The following COL5A1 variants were observed in gnomAD, a reference collection of about 807,000 sequenced individuals.
The protein encoded by COL5A1 is collagen type V alpha 1 chain.
COL5A1 carries 16 observed loss-of-function variants against 263.7 expected under a neutral mutation model. The observed-to-expected ratio is 0.06, with a 90% CI of 0.04 to 0.09. The LOEUF is 0.09. Ranked by LOEUF, COL5A1 falls within the 10% of genes least tolerant of loss-of-function variation. The probability of loss-of-function intolerance (pLI) is 1.00; values close to 1 mark genes in which losing one functional copy is unlikely to be tolerated. For synonymous variants in COL5A1, 1,012 were observed against 1,004.5 expected (o/e 1.01, Z -0.14); for missense variants, 2,036 against 2,540.5 (o/e 0.80, Z 4.27).
At position 134,824,855 on chromosome 9, in the gene COL5A1, G is replaced by A; in HGVS notation, c.4954G>A (p.Gly1652Ser). 3 of 1,611,296 alleles carry A rather than the reference G, an allele frequency of 1.9e-6. No homozygotes were observed. The highest frequency in any genetic ancestry group is 1.3e-5 in the African/African-American group (1 of 75,046). ...LQLCHPDFPD[G>S]EYWVDPNQGC... is the part of the protein sequence containing the mutation. ...GCTCTGCCACCCCGACTTCCCAGAT[G>A]GTGAGGGCCTGGGGGGGCAGGGGTG... The change falls in exon 62 of 66, where the codon GGT becomes AGT. Residue 1652 changes from glycine to serine, a missense_variant and splice_region_variant. This residue lies in a region of COL5A1 where 358 missense variants were observed against 384.6 expected (regional missense o/e 0.93). Transcript: ENST00000371817.
chr9:134,731,742 C>T (rs1834890259), intron 8 of COL5A1, 79 bp downstream of exon 8: 1 of 1,493,694 alleles, frequency 6.7e-7, no homozygotes, highest in Admixed American at 1.9e-5. Flanking sequence ...CCAAGAGCCT[C>T]CTCAGGGGTG....
Position 134,818,117 on chromosome 9 carries a change from C to T in COL5A1, c.4230+286C>T, listed in dbSNP as rs1052856730. On this transcript the variant is annotated intron_variant, in intron 54 of 65. Transcript: ENST00000371817. The surrounding 1 kb of genome is among the most constrained non-coding windows in gnomAD (Gnocchi z 6.0). ...CCCAAGGCTGAGTAGTTATGTCCCCCGGAGCCCTGCGACCTCATGCCTGGT... is the reference window on the plus strand; with the variant it reads ...CCCAAGGCTGAGTAGTTATGTCCCCTGGAGCCCTGCGACCTCATGCCTGGT... Among the ~76,000 whole-genome samples, 4 of 152,216 alleles carry T rather than the reference C, an allele frequency of 2.6e-5. No individual in the cohort carries two copies. Among genetic ancestry groups the T allele is most frequent in the Admixed American group, 6.5e-5 (1 of 15,290 alleles).
In COL5A1 at chr9:134,806,169, G is replaced by A. The variant is rs1224927276; in HGVS notation, c.3259-20G>A. On this transcript the variant is annotated intron_variant, in intron 41 of 65. Transcript: ENST00000371817. Reference sequence around the variant, plus strand: ...AGTCTGAGAGCCTTTGAAGCAGACTGTTTTCTTGCTCCACCTCAGGGATCT... The same window carrying A: ...AGTCTGAGAGCCTTTGAAGCAGACTATTTTCTTGCTCCACCTCAGGGATCT... 6.5e-7 allele frequency: 1 copy of A among 1,533,286 alleles called. No individual in the cohort carries two copies. Among genetic ancestry groups the A allele is most frequent in the Non-Finnish European group, 8.8e-7 (1 of 1,130,836 alleles). The allele number at this position is 1,533,286 out of a possible 1,614,324, so 95.0% of individuals were successfully genotyped here.
In COL5A1 at chr9:134,822,983, C is replaced by T. The variant is rs769679819; in HGVS notation, c.4609-15C>T. The T allele has an allele frequency of 2.5e-6, 4 of 1,614,058 alleles. No homozygotes were observed. The highest frequency in any genetic ancestry group is 2.5e-6 in the Non-Finnish European group (3 of 1,179,990). ...AGACCCGGCTTGCTGACGTTCTGCC[C>T]TCCTCTCTCTGCAGGGTCCGCCTGG... On this transcript the variant is annotated splice_polypyrimidine_tract_variant and intron_variant, in intron 59 of 65. Coordinates refer to ENST00000371817, the MANE Select transcript of COL5A1 (RefSeq NM_000093.5).
chr9:134,642,120 C>T lies in COL5A1; in HGVS notation c.-68C>T, dbSNP rs1831307715. ...GCTGAGTGCGCTGCCCGGGCCGTGA[C>T]CCGCGCCCCTGTGCGTCCCCGCGCG... On this transcript the variant is annotated 5_prime_UTR_variant, in exon 1 of 66. Coordinates refer to ENST00000371817, the MANE Select transcript of COL5A1 (RefSeq NM_000093.5). This position sits in a 1 kb window ranked among gnomAD's most constrained non-coding sequence, Gnocchi z 4.5. 1 of 1,219,190 alleles carries T rather than the reference C, an allele frequency of 8.2e-7. No homozygotes were observed. The highest frequency in any genetic ancestry group is 1.0e-6 in the Non-Finnish European group (1 of 977,646). 75.5% of individuals were successfully genotyped at this position (1,219,190 alleles called of 1,614,324 possible). A position where few individuals can be genotyped will look rare whatever the true frequency, so the allele number is the denominator to read the frequency against.
chr9:134,770,449 C>A lies in COL5A1; in HGVS notation c.2286+1986C>A, dbSNP rs76482228. Among the ~76,000 whole-genome samples the A allele has an allele frequency of 3.2e-3, 480 of 152,242 alleles. 6 individuals carry two copies. The East Asian group carries it at 0.041, about 13-fold the overall frequency. On this transcript the variant is annotated intron_variant, in intron 25 of 65. Coordinates refer to ENST00000371817, the MANE Select transcript of COL5A1 (RefSeq NM_000093.5). ...GGGGAAATGGTTAAGTGAATTATGG[C>A]TCAGTGGAATATTACAGAGCCAGTA...
intron 1 of COL5A1, among the ~76,000 whole-genome samples, chr9:134,669,188 T>TTTTCCTTTCCCTTTCCC (rs1832451509): frequency 1.4e-5 from 2 of 143,826 alleles, no homozygotes; most frequent in Non-Finnish European, 3.0e-5. Flanking sequence ...TCCCTTTCAC[T>TTTTCCTTTCCCTTTCCC]TTTCCTTTCC....
intron 42 of COL5A1, 181 bp from the exon 43 acceptor site, chr9:134,809,002 C>T: frequency 1.5e-6 from 1 of 664,636 alleles, no homozygotes; most frequent in Non-Finnish European, 2.7e-6. Flanking sequence ...GTTCATGGTC[C>T]AGGGGCGGGC....
At position 134,728,952 on chromosome 9, in the gene COL5A1, G is replaced by T. The variant is rs1247358864; in HGVS notation, c.924+145G>T. 5.7e-6 allele frequency: 6 copies of T among 1,053,636 alleles called. No homozygotes were observed. In the African/African-American group the frequency reaches 6.3e-5, roughly 11 times the overall value. The allele number at this position is 1,053,636 out of a possible 1,614,324, so 65.3% of individuals were successfully genotyped here. A position where few individuals can be genotyped will look rare whatever the true frequency, so the allele number is the denominator to read the frequency against. The stretch of plus-strand genomic sequence containing the variant: ...CGGGGGCAGCTCAGTGAGGGAGCCG[G>T]CTGTTGCCATCCGAGCTTTGCTGTC... On this transcript the variant is annotated intron_variant, in intron 6 of 65. Coordinates refer to ENST00000371817, the MANE Select transcript of COL5A1 (RefSeq NM_000093.5).
At chr9:134,817,110 T>C (rs1838784183) in intron 53 of COL5A1, 31 bp downstream of exon 53, 1 of 1,602,564 alleles carries the variant, frequency 6.2e-7, no homozygotes, top group Non-Finnish European at 8.5e-7. Flanking sequence ...ATCCTTGCTG[T>C]CAAATCCCTG....
At chr9:134,643,085 G>A (rs1367922655) in intron 1 of COL5A1, among the ~76,000 whole-genome samples, 1 of 152,236 alleles carries the variant, frequency 6.6e-6, no homozygotes, top group Non-Finnish European at 1.5e-5. Flanking sequence ...GCCCTTAGAA[G>A]GAGGCTTGCT....
At chr9:134,749,742 G>C (rs1206157970) in intron 11 of COL5A1, among the ~76,000 whole-genome samples, 1 of 152,240 alleles carries the variant, frequency 6.6e-6, no homozygotes, top group Non-Finnish European at 1.5e-5. Context: ...AGGGGGTTAA[G>C]CTCCAGTCTC....
intron 1 of COL5A1, among the ~76,000 whole-genome samples, chr9:134,665,313 T>C (rs944607572): frequency 5.3e-5 from 8 of 152,210 alleles, no homozygotes; most frequent in Admixed American, 6.5e-5. Flanking sequence ...CAGCACTGTC[T>C]GGAAGGGCGA....
chr9:134,750,342 C>T (rs931076942), intron 11 of COL5A1, among the ~76,000 whole-genome samples, 200 bp from the exon 12 acceptor site: 1 of 152,216 alleles, frequency 6.6e-6, no homozygotes. Flanking sequence ...CAAAGCCTTT[C>T]CGATCCTCAG....
chr9:134,751,459 C>G (rs1487914162), intron 13 of COL5A1, among the ~76,000 whole-genome samples: 1 of 152,218 alleles, frequency 6.6e-6, no homozygotes, highest in Non-Finnish European at 1.5e-5. Context: ...AAGGGGCTGC[C>G]TGGGCTGGAG....
intron 1 of COL5A1, among the ~76,000 whole-genome samples, chr9:134,676,630 G>A (rs566379036): frequency 6.6e-6 from 1 of 152,216 alleles, no homozygotes; most frequent in African/African-American, 2.4e-5. Context: ...ACTGGCATTC[G>A]TCTTGGAGCC....
chr9:134,721,471 C>G (rs191641894), intron 4 of COL5A1, among the ~76,000 whole-genome samples: 60 of 152,274 alleles, frequency 3.9e-4, no homozygotes, highest in African/African-American at 1.3e-3. Flanking sequence ...GAACACTGGA[C>G]TAGCCACCAA....
chr9:134,678,896 C>T lies in COL5A1; in HGVS notation c.110-12016C>T, dbSNP rs1259559827. Among the ~76,000 whole-genome samples, 1 of 152,112 alleles carries T rather than the reference C, an allele frequency of 6.6e-6. No homozygotes were observed. Among genetic ancestry groups the T allele is most frequent in the Admixed American group, 6.5e-5 (1 of 15,286 alleles). On this transcript the variant is annotated intron_variant, in intron 1 of 65. Transcript: ENST00000371817. This position sits in a 1 kb window ranked among gnomAD's most constrained non-coding sequence, Gnocchi z 5.5. ...CAGGGATCAGGCTGGTTGGTGTTAC[C>T]CCCTGCTGGGGGGCAGGCGTTAGAT...
Position 134,811,530 on chromosome 9 carries a change from C to G in COL5A1, c.3621C>G (p.Gly1207=). 1 of 1,600,562 alleles carries G rather than the reference C, an allele frequency of 6.2e-7. No individual in the cohort carries two copies. The highest frequency in any genetic ancestry group is 8.5e-7 in the Non-Finnish European group (1 of 1,173,146). ...DGEPGPRGQQ[G]LFGQKGDEGP... is the part of the protein sequence containing the mutation. The stretch of plus-strand genomic sequence containing the variant: ...AGCCGGGGCCTCGGGGCCAGCAGGG[C>G]CTTTTCGGGCAGAAAGGTGATGAAG... The change falls in exon 46 of 66, where the codon GGC becomes GGG. Residue 1207 remains glycine, a synonymous_variant. Coordinates refer to ENST00000371817, the MANE Select transcript of COL5A1 (RefSeq NM_000093.5).
Sources: allele counts gnomAD v4.1 joint callset (sites outside exome capture counted in the v4.1 genomes callset), GRCh38; gene constraint gnomAD v4.1.1; regional missense constraint gnomAD v4.1.1; non-coding constraint Gnocchi (gnomAD v3.1); transcripts MANE v1.5; gene names NCBI Gene and HGNC (gene_info 2026-07-23, HGNC 2026-07-21).